The following NAALADL2 variants were observed in gnomAD, a reference collection of about 807,000 sequenced individuals.
NAALADL2 encodes N-acetylated alpha-linked acidic dipeptidase like 2.
Under a neutral mutation model 87.2 loss-of-function variants are expected in NAALADL2, and 76 were observed. That is an observed-to-expected ratio of 0.87 (90% confidence interval 0.72 to 1.05). The LOEUF (loss-of-function observed/expected upper bound fraction) is 1.05. Among genes scored for constraint, NAALADL2 ranks in the 50% least tolerant of loss-of-function variants. NAALADL2 has a pLI of 0.00. For synonymous variants in NAALADL2, 354 were observed against 331.0 expected (o/e 1.07, Z -0.75); for missense variants, 1,089 against 945.8 (o/e 1.15, Z -1.99).
At chr3:175,071,918 A>T (rs1451730133) in intron 1 of NAALADL2, among the ~76,000 whole-genome samples, 1 of 152,096 alleles carries the variant, frequency 6.6e-6, no homozygotes, top group Non-Finnish European at 1.5e-5. Context: ...TATTTTTTTC[A>T]TATCAACTGC....
At chr3:175,438,972 C>T (rs1365806972) in intron 5 of NAALADL2, among the ~76,000 whole-genome samples, 1 of 151,950 alleles carries the variant, frequency 6.6e-6, no homozygotes. Context: ...GTACATTGTA[C>T]CCAATGTGTA....
intron 1 of NAALADL2, among the ~76,000 whole-genome samples, chr3:174,996,209 C>G (rs1458789993): frequency 6.6e-6 from 1 of 152,066 alleles, no homozygotes; most frequent in African/African-American, 2.4e-5. Flanking sequence ...TAAAAATGTA[C>G]TGAATTGGCT....
chr3:175,035,085 T>C (rs1288683775), intron 1 of NAALADL2, among the ~76,000 whole-genome samples: 2 of 152,142 alleles, frequency 1.3e-5, no homozygotes, highest in Non-Finnish European at 2.9e-5. Flanking sequence ...ATGAGAGATG[T>C]ATAATTTGTC....
chr3:174,882,830 C>T (rs201560393), intron 1 of NAALADL2, among the ~76,000 whole-genome samples: 55 of 79,658 alleles, frequency 6.9e-4, no homozygotes, highest in African/African-American at 4.4e-3. Flanking sequence ...TATATATACA[C>T]GTGTGTATAT....
chr3:175,366,973 T>A (rs558564298), intron 5 of NAALADL2, among the ~76,000 whole-genome samples: 1 of 151,690 alleles, frequency 6.6e-6, no homozygotes, highest in African/African-American at 2.4e-5. Flanking sequence ...GGTTTTCTTC[T>A]AGGGTTTTTA....
intron 12 of NAALADL2, among the ~76,000 whole-genome samples, chr3:175,754,088 T>A (rs1427348981): frequency 1.3e-5 from 2 of 152,112 alleles, no homozygotes; most frequent in East Asian, 3.9e-4. Flanking sequence ...TCTCATGACA[T>A]GATAAGAGAG....
At chr3:175,419,009 T>C (rs1715183774) in intron 5 of NAALADL2, among the ~76,000 whole-genome samples, 1 of 151,818 alleles carries the variant, frequency 6.6e-6, no homozygotes, top group African/African-American at 2.4e-5. Flanking sequence ...TGTTTTCTTT[T>C]TCTTTTTTTT....
chr3:175,529,700 C>T (rs1206993257), intron 9 of NAALADL2, among the ~76,000 whole-genome samples: 1 of 152,182 alleles, frequency 6.6e-6, no homozygotes, highest in Non-Finnish European at 1.5e-5. Flanking sequence ...CATGAGCCCA[C>T]TGCTGCACTT....
chr3:174,506,633 AATG>A (rs1719224854), intron 1 of NAALADL2, among the ~76,000 whole-genome samples: 2 of 152,320 alleles, frequency 1.3e-5, no homozygotes, highest in African/African-American at 4.8e-5. Flanking sequence ...TAAAATTAAA[AATG>A]ATAAAATTTT....
chr3:175,668,675 A>G (rs567978608), intron 11 of NAALADL2, among the ~76,000 whole-genome samples: 1 of 152,234 alleles, frequency 6.6e-6, no homozygotes, highest in South Asian at 2.1e-4. Flanking sequence ...CCTTTGCAAA[A>G]TTAATTTCTC....
chr3:174,854,834 T>G (rs1315132916), upstream of NAALADL2, among the ~76,000 whole-genome samples: 3 of 140,304 alleles, frequency 2.1e-5, no homozygotes, highest in South Asian at 2.3e-4. Context: ...TGCTTTTTTT[T>G]CTTTTTTTTT....
chr3:174,795,293 G>A (rs1196634232), intron 3 of NAALADL2, among the ~76,000 whole-genome samples: 5 of 151,602 alleles, frequency 3.3e-5, no homozygotes, highest in South Asian at 2.1e-4. Context: ...CACCACACCC[G>A]GCCTTCTAGT....
At chr3:174,550,518 A>C (rs1307467451) in intron 1 of NAALADL2, 1 of 152,098 alleles carries the variant, frequency 6.6e-6, no homozygotes, top group African/African-American at 2.4e-5. Context: ...TTAGGCTAGA[A>C]TATTTCACCT....
chr3:174,471,771 T>C (rs73172521), intron 1 of NAALADL2, among the ~76,000 whole-genome samples: 1 of 152,250 alleles, frequency 6.6e-6, no homozygotes, highest in Non-Finnish European at 1.5e-5. Flanking sequence ...AACATTATTA[T>C]GAGGATTAAA....
chr3:174,844,835 G>T (rs866026375), intron 3 of NAALADL2, among the ~76,000 whole-genome samples: 990 of 35,398 alleles, frequency 0.028, 38 homozygotes, highest in African/African-American at 0.12. Flanking sequence ...AGTTCTAATG[G>T]TTTTTTTTTT....
At chr3:175,381,351 T>C (rs1767758380) in intron 5 of NAALADL2, among the ~76,000 whole-genome samples, 1 of 151,656 alleles carries the variant, frequency 6.6e-6, no homozygotes, top group Non-Finnish European at 1.5e-5. Flanking sequence ...ATTTCTCCCA[T>C]GTAAAAAAGA....
At chr3:175,135,859 A>G (rs987335503) in intron 2 of NAALADL2, among the ~76,000 whole-genome samples, 1 of 152,234 alleles carries the variant, frequency 6.6e-6, no homozygotes, top group Non-Finnish European at 1.5e-5. Flanking sequence ...TAGGAACCAG[A>G]CAGAATATCA....
intron 1 of NAALADL2, among the ~76,000 whole-genome samples, chr3:175,050,382 C>A (rs1395641887): frequency 1.3e-5 from 2 of 152,202 alleles, no homozygotes; most frequent in Non-Finnish European, 2.9e-5. Flanking sequence ...CCTGCTCAGC[C>A]TCCCGAGTAG....
intron 4 of NAALADL2, among the ~76,000 whole-genome samples, chr3:175,283,957 T>A (rs1234434776): frequency 6.7e-6 from 1 of 150,180 alleles, no homozygotes; most frequent in Non-Finnish European, 1.5e-5. Flanking sequence ...AAATGTTCTA[T>A]TTGCTTTTTA....
Sources: allele counts gnomAD v4.1 joint callset (sites outside exome capture counted in the v4.1 genomes callset), GRCh38; gene constraint gnomAD v4.1.1; transcripts MANE v1.5; gene names NCBI Gene and HGNC (gene_info 2026-07-23, HGNC 2026-07-21).